TMEM154: variants seen among roughly 807,000 people sequenced by gnomAD.
The protein encoded by TMEM154 is transmembrane protein 154.
TMEM154 carries 27 observed loss-of-function variants against 24.5 expected under a neutral mutation model. That is an observed-to-expected ratio of 1.10 (90% CI 0.81 to 1.52). TMEM154 has a LOEUF of 1.52. Among genes scored for constraint, TMEM154 ranks in the 40% most tolerant of loss-of-function variants. The pLI, the probability that TMEM154 is intolerant of heterozygous loss-of-function variation, is 0.00. For missense variants in TMEM154, 228 were observed against 213.4 expected, an observed-to-expected ratio of 1.07 and a Z score of -0.43; for synonymous variants, 67 against 76.8, an observed-to-expected ratio of 0.87 and a Z score of 0.67.
chr4:152,640,503 T>C (rs1005165551), intron 6 of TMEM154, among the ~76,000 whole-genome samples: 3 of 152,174 alleles, frequency 2.0e-5, no homozygotes, highest in Non-Finnish European at 2.9e-5. Flanking sequence ...AAATGGAACA[T>C]TTTTTAAAAA....
chr4:152,652,911 T>C lies in TMEM154; in HGVS notation c.81A>G (p.Leu27=), dbSNP rs1728416136. 1 of 1,601,756 alleles carries C rather than the reference T, an allele frequency of 6.2e-7. No individual in the cohort carries two copies. Among genetic ancestry groups the C allele is most frequent in the Non-Finnish European group, 8.5e-7 (1 of 1,175,100 alleles). The change falls in exon 2 of 7, where the codon TTA becomes TTG. Residue 27 remains leucine, a synonymous_variant. Transcript: ENST00000304385. ...VPVGRGNYEE[L]ENSGDTTVES... is the part of the protein sequence containing the mutation. ...CCACAGTTGTATCTCCTGAGTTTTC[T>C]AATTCCTCATAATTACCTGTGGGAA...
intron 6 of TMEM154, among the ~76,000 whole-genome samples, chr4:152,636,014 C>T (rs576666106): frequency 5.9e-5 from 9 of 152,236 alleles, no homozygotes; most frequent in African/African-American, 2.2e-4. Context: ...GACAGAAACA[C>T]GAAGCTTTCA....
At chr4:152,641,903 CTTTT>C (rs780465309) in intron 5 of TMEM154, among the ~76,000 whole-genome samples, 33 of 41,438 alleles carry the variant, frequency 8.0e-4, no homozygotes, top group African/African-American at 3.3e-3. Context: ...AGCAATAATT[CTTTT>C]TTTTTTTTTT....
At chr4:152,641,028 C>A in intron 5 of TMEM154, 43 bp from the exon 6 acceptor site, 1 of 1,577,616 alleles carries the variant, frequency 6.3e-7, no homozygotes, top group South Asian at 1.1e-5. Flanking sequence ...TTACTGAAAT[C>A]GTATTTTCTA....
intron 3 of TMEM154, among the ~76,000 whole-genome samples, chr4:152,652,230 T>C (rs1397590563): frequency 1.4e-5 from 2 of 146,526 alleles, no homozygotes; most frequent in Admixed American, 6.8e-5. Context: ...ATGATACCAA[T>C]AGACTGGTTT....
chr4:152,673,141 T>C (rs1347080040), intron 1 of TMEM154, among the ~76,000 whole-genome samples: 2 of 152,222 alleles, frequency 1.3e-5, no homozygotes, highest in Non-Finnish European at 2.9e-5. Context: ...CTAAAGTTAC[T>C]GTGTATCATT....
At chr4:152,646,447 A>T (rs1728234198) in intron 3 of TMEM154, 1 of 154,568 alleles carries the variant, frequency 6.5e-6, no homozygotes, top group Admixed American at 6.5e-5. Flanking sequence ...GGGAGGGCAC[A>T]CAAAGAGCAG....
chr4:152,658,627 A>T (rs1039035619), intron 1 of TMEM154, among the ~76,000 whole-genome samples: 4 of 151,892 alleles, frequency 2.6e-5, no homozygotes, highest in Admixed American at 2.6e-4. Flanking sequence ...GGCCAGCTAA[A>T]AATACAAAAT....
At chr4:152,635,503 C>T (rs1461485815) in intron 6 of TMEM154, among the ~76,000 whole-genome samples, 1 of 152,146 alleles carries the variant, frequency 6.6e-6, no homozygotes, top group African/African-American at 2.4e-5. Flanking sequence ...TAGACAGTGT[C>T]AGGCACATAT....
chr4:152,664,729 C>T (rs1728682064), intron 1 of TMEM154, among the ~76,000 whole-genome samples: 1 of 152,112 alleles, frequency 6.6e-6, no homozygotes. Flanking sequence ...GTCAGATGCC[C>T]CATTCTTTCA....
intron 5 of TMEM154, among the ~76,000 whole-genome samples, chr4:152,641,782 A>T (rs1752261573): frequency 6.6e-6 from 1 of 151,586 alleles, no homozygotes. Flanking sequence ...CCCATCCTCA[A>T]ATAGAATGGC....
At chr4:152,635,483 T>C (rs906181386) in intron 6 of TMEM154, among the ~76,000 whole-genome samples, 1 of 152,236 alleles carries the variant, frequency 6.6e-6, no homozygotes. Flanking sequence ...CTGGTTGTTT[T>C]GACATGATGT....
chr4:152,659,517 T>A (rs1728555005), intron 1 of TMEM154, among the ~76,000 whole-genome samples: 1 of 152,226 alleles, frequency 6.6e-6, no homozygotes, highest in Non-Finnish European at 1.5e-5. Context: ...AGACAGGACT[T>A]GAAATGTCCT....
At chr4:152,644,569 C>A (rs1579516625) in intron 3 of TMEM154, 127 bp from the exon 4 acceptor site, 16 of 887,676 alleles carry the variant, frequency 1.8e-5, no homozygotes, top group Admixed American at 2.1e-5. Context: ...TTTAAAGGAG[C>A]GATCATTAAC....
At chr4:152,638,994 A>T (rs943849472) in intron 6 of TMEM154, among the ~76,000 whole-genome samples, 1 of 152,006 alleles carries the variant, frequency 6.6e-6, no homozygotes, top group African/African-American at 2.4e-5. Context: ...CTTGTTGCCT[A>T]GGCTGGAGTG....
chr4:152,670,722 T>G (rs1728819937), intron 1 of TMEM154, among the ~76,000 whole-genome samples: 1 of 152,368 alleles, frequency 6.6e-6, no homozygotes, highest in Non-Finnish European at 1.5e-5. Context: ...TGATATATTT[T>G]GATTTTATTA....
intron 6 of TMEM154, among the ~76,000 whole-genome samples, 166 bp from the exon 7 acceptor site, chr4:152,628,727 C>T (rs1380499751): frequency 6.6e-6 from 1 of 150,448 alleles, no homozygotes; most frequent in Non-Finnish European, 1.5e-5. Flanking sequence ...AGCTCCACCT[C>T]CCAGGTTCAG....
At chr4:152,663,812 CAG>C in intron 1 of TMEM154, among the ~76,000 whole-genome samples, 1 of 152,238 alleles carries the variant, frequency 6.6e-6, no homozygotes, top group East Asian at 1.9e-4. Flanking sequence ...GCACAGTGTA[CAG>C]AGTCACTTAC....
intron 1 of TMEM154, among the ~76,000 whole-genome samples, chr4:152,660,004 C>A (rs1728566823): frequency 7.0e-6 from 1 of 142,078 alleles, no homozygotes; most frequent in Admixed American, 7.0e-5. Flanking sequence ...GTAACTGAAA[C>A]CACGGGTAAC....
Sources: allele counts gnomAD v4.1 joint callset (sites outside exome capture counted in the v4.1 genomes callset), GRCh38; gene constraint gnomAD v4.1.1; transcripts MANE v1.5; gene names NCBI Gene and HGNC (gene_info 2026-07-23, HGNC 2026-07-21).